The following AHCYL2 variants were observed in gnomAD, a reference collection of about 807,000 sequenced individuals.
AHCYL2 encodes the protein S-adenosylhomocysteine hydrolase-like protein 2.
Under a neutral mutation model 81.4 loss-of-function variants are expected in AHCYL2, and 28 were observed. The ratio of observed to expected loss-of-function variants is 0.34; its 90% CI spans 0.25 to 0.47. The LOEUF is 0.47. Ranked by LOEUF, AHCYL2 falls within the 20% of genes least tolerant of loss-of-function variation. The pLI, the probability that AHCYL2 is intolerant of heterozygous loss-of-function variation, is 1.00. For missense variants in AHCYL2, 551 were observed against 785.1 expected (o/e 0.70, Z 3.56); for synonymous variants, 272 against 290.2 (o/e 0.94, Z 0.64).
At chr7:129,269,845 T>C (rs944459673) in intron 1 of AHCYL2, among the ~76,000 whole-genome samples, 4 of 152,254 alleles carry the variant, frequency 2.6e-5, no homozygotes, top group Non-Finnish European at 5.9e-5. Context: ...ATGCATAATA[T>C]ATGTCAAATA....
chr7:129,389,847 T>A, intron 4 of AHCYL2, 113 bp downstream of exon 4: 1 of 792,588 alleles, frequency 1.3e-6, no homozygotes, highest in South Asian at 2.2e-5. Flanking sequence ...TATTAGCTTA[T>A]TAATCCTTAT....
intron 1 of AHCYL2, among the ~76,000 whole-genome samples, chr7:129,342,188 C>T (rs1306848327): frequency 6.6e-6 from 1 of 152,080 alleles, no homozygotes; most frequent in Non-Finnish European, 1.5e-5. Context: ...TTGAAGTATT[C>T]CTGTTACTTG....
At chr7:129,335,373 TAA>T (rs757453356) in intron 1 of AHCYL2, among the ~76,000 whole-genome samples, 11 of 123,078 alleles carry the variant, frequency 8.9e-5, no homozygotes, top group East Asian at 2.3e-4. Flanking sequence ...AGACCCTGTC[TAA>T]AAAAAAAAAA....
At chr7:129,318,247 T>C (rs1303046575) in intron 1 of AHCYL2, among the ~76,000 whole-genome samples, 1 of 152,218 alleles carries the variant, frequency 6.6e-6, no homozygotes, top group East Asian at 1.9e-4. Flanking sequence ...ATATGACTTC[T>C]ATCAAACAAA....
intron 4 of AHCYL2, among the ~76,000 whole-genome samples, chr7:129,391,171 A>G (rs2150908579): frequency 6.6e-6 from 1 of 152,344 alleles, no homozygotes; most frequent in South Asian, 2.1e-4. Flanking sequence ...TATTGATTCC[A>G]GAGCATCAGA....
At chr7:129,249,527 G>A (rs1175817389) in intron 1 of AHCYL2, among the ~76,000 whole-genome samples, 1 of 151,880 alleles carries the variant, frequency 6.6e-6, no homozygotes, top group African/African-American at 2.4e-5. Flanking sequence ...CCGGGTTCAC[G>A]CCATTCTCCT....
chr7:129,276,579 C>T (rs936979465), intron 1 of AHCYL2, among the ~76,000 whole-genome samples: 4 of 151,198 alleles, frequency 2.6e-5, no homozygotes, highest in Non-Finnish European at 4.4e-5. Context: ...GGTGAAATTC[C>T]GTCTCTACTA....
intron 10 of AHCYL2, among the ~76,000 whole-genome samples, chr7:129,407,894 T>C (rs1488190785): frequency 6.6e-6 from 1 of 152,222 alleles, no homozygotes; most frequent in Non-Finnish European, 1.5e-5. Context: ...TCAGCAGAGC[T>C]GAGTCTTGAC....
At chr7:129,379,796 C>T (rs377140258) in intron 2 of AHCYL2, 47 bp downstream of exon 2, 92 of 1,453,502 alleles carry the variant, frequency 6.3e-5, no homozygotes, top group Middle Eastern at 3.5e-4. Context: ...CTAATAAGTA[C>T]GATCTCAATG....
At chr7:129,388,283 C>T (rs1157169124) in intron 2 of AHCYL2, 2 of 152,058 alleles carry the variant, frequency 1.3e-5, no homozygotes, top group Non-Finnish European at 2.9e-5. Flanking sequence ...CTAAAAAGAC[C>T]CCAGCTAAGC....
intron 1 of AHCYL2, among the ~76,000 whole-genome samples, chr7:129,253,275 C>T (rs1178816378): frequency 6.6e-6 from 1 of 151,996 alleles, no homozygotes; most frequent in African/African-American, 2.4e-5. Flanking sequence ...AGGCTTTGTC[C>T]CAATCTTGAG....
chr7:129,356,305 T>C (rs986381525), intron 1 of AHCYL2, among the ~76,000 whole-genome samples: 5 of 152,200 alleles, frequency 3.3e-5, no homozygotes, highest in African/African-American at 9.6e-5. Context: ...TTTTATCACA[T>C]TCTGCAGACA....
At chr7:129,280,988 T>G (rs546772890) in intron 1 of AHCYL2, among the ~76,000 whole-genome samples, 4 of 151,212 alleles carry the variant, frequency 2.6e-5, no homozygotes, top group South Asian at 2.1e-4. Flanking sequence ...CTCAGCCTCC[T>G]GAGTAGCTGG....
chr7:129,240,180 A>G (rs1046359487), intron 1 of AHCYL2, among the ~76,000 whole-genome samples: 4 of 151,840 alleles, frequency 2.6e-5, no homozygotes, highest in Non-Finnish European at 5.9e-5. Flanking sequence ...GCGCCATTGC[A>G]CTCCAGCCTG....
chr7:129,381,093 A>G (rs1488125705), intron 2 of AHCYL2, among the ~76,000 whole-genome samples: 1 of 152,218 alleles, frequency 6.6e-6, no homozygotes, highest in Non-Finnish European at 1.5e-5. Context: ...CAAACTGGTT[A>G]ATGTAACTCT....
intron 1 of AHCYL2, among the ~76,000 whole-genome samples, chr7:129,265,724 G>A (rs1468844106): frequency 2.6e-5 from 4 of 152,174 alleles, no homozygotes; most frequent in Non-Finnish European, 5.9e-5. Context: ...AAAACCATTG[G>A]AAAGTTTTGA....
chr7:129,350,903 C>T (rs1317837718), intron 1 of AHCYL2, among the ~76,000 whole-genome samples: 2 of 151,430 alleles, frequency 1.3e-5, no homozygotes, highest in Non-Finnish European at 2.9e-5. Flanking sequence ...AGGGTTTCAC[C>T]ATGTTGACCA....
At position 129,403,455 on chromosome 7, in the gene AHCYL2, T is replaced by C; in HGVS notation, c.995T>C (p.Ile332Thr). The change falls in exon 7 of 17, where the codon ATA (isoleucine) becomes ACA (threonine). Residue 332 changes from isoleucine to threonine, a missense_variant. By Grantham distance (89) the Ile-to-Thr change is moderately conservative. Transcript: ENST00000325006. ...YPNMFKKIKGIVEESVTGVHR... is the reference protein window; with the variant it reads ...YPNMFKKIKGTVEESVTGVHR... Reference sequence around the variant, plus strand: ...AACATGTTTAAGAAAATCAAGGGCATAGTAGAGGAGAGTGTTACTGGAGTT... The same window carrying C: ...AACATGTTTAAGAAAATCAAGGGCACAGTAGAGGAGAGTGTTACTGGAGTT... 1.9e-6 allele frequency: 3 copies of C among 1,611,266 alleles called. No homozygotes were observed. Among genetic ancestry groups the C allele is most frequent in the South Asian group, 1.1e-5 (1 of 90,784 alleles).
chr7:129,375,037 GA>G (rs949692455), intron 1 of AHCYL2, among the ~76,000 whole-genome samples: 2 of 152,030 alleles, frequency 1.3e-5, no homozygotes, highest in African/African-American at 2.4e-5. Flanking sequence ...AGATTGTTGT[GA>G]TTCGGGGGAC....
Sources: allele counts gnomAD v4.1 joint callset (sites outside exome capture counted in the v4.1 genomes callset), GRCh38; gene constraint gnomAD v4.1.1; transcripts MANE v1.5; gene names NCBI Gene and HGNC (gene_info 2026-07-23, HGNC 2026-07-21).